CRTAC1: variants seen among roughly 807,000 people sequenced by gnomAD.
CRTAC1 encodes the protein cartilage acidic protein 1.
CRTAC1 carries 37 observed loss-of-function variants against 67.8 expected under a neutral mutation model. The observed-to-expected ratio is 0.55, with a 90% CI of 0.42 to 0.72. The LOEUF (loss-of-function observed/expected upper bound fraction) is 0.72, where lower values mean the gene tolerates loss of function less well. Ranked by LOEUF, CRTAC1 falls within the 30% of genes least tolerant of loss-of-function variation. The pLI is 0.00. For synonymous variants in CRTAC1, 348 were observed against 371.0 expected, an observed-to-expected ratio of 0.94 and a Z score of 0.71; for missense variants, 780 against 931.6, an observed-to-expected ratio of 0.84 and a Z score of 2.12.
chr10:97,978,073 A>C (rs1296774661), intron 2 of CRTAC1, among the ~76,000 whole-genome samples: 1 of 152,202 alleles, frequency 6.6e-6, no homozygotes, highest in African/African-American at 2.4e-5. Flanking sequence ...AATCACAGAA[A>C]TAATCACCAG....
chr10:97,942,498 A>G (rs948688014), intron 2 of CRTAC1, among the ~76,000 whole-genome samples: 3 of 152,196 alleles, frequency 2.0e-5, no homozygotes, highest in African/African-American at 7.2e-5. Context: ...AAAACAACAA[A>G]TGCTATAGTT....
intron 5 of CRTAC1, among the ~76,000 whole-genome samples, chr10:97,913,596 C>G (rs573017872): frequency 6.6e-6 from 1 of 152,142 alleles, no homozygotes; most frequent in African/African-American, 2.4e-5. Context: ...TTAAAAGAAA[C>G]GCAATGTTCC....
intron 5 of CRTAC1, among the ~76,000 whole-genome samples, chr10:97,914,899 A>G (rs1438408317): frequency 6.6e-6 from 1 of 152,010 alleles, no homozygotes; most frequent in Non-Finnish European, 1.5e-5. Flanking sequence ...GGGGCCCTCG[A>G]GTCCCCCGAG....
At chr10:97,880,927 G>A (rs186467990) in intron 13 of CRTAC1, among the ~76,000 whole-genome samples, 11 of 152,186 alleles carry the variant, frequency 7.2e-5, no homozygotes, top group Non-Finnish European at 1.3e-4. Flanking sequence ...CTTGCCCCCT[G>A]TGCAATTTCA....
intron 2 of CRTAC1, among the ~76,000 whole-genome samples, chr10:97,979,892 A>G (rs982395832): frequency 7.2e-5 from 11 of 152,214 alleles, no homozygotes; most frequent in African/African-American, 2.7e-4. Flanking sequence ...TGATAAAAAT[A>G]ACGAGGGGCA....
chr10:97,918,026 G>C (rs1225507601), intron 4 of CRTAC1, among the ~76,000 whole-genome samples: 1 of 151,992 alleles, frequency 6.6e-6, no homozygotes, highest in Non-Finnish European at 1.5e-5. Flanking sequence ...ATAAATATTT[G>C]CTGATTGATT....
At chr10:98,019,199 G>A (rs1361282133) in intron 1 of CRTAC1, among the ~76,000 whole-genome samples, 6 of 152,122 alleles carry the variant, frequency 3.9e-5, no homozygotes, top group Non-Finnish European at 7.4e-5. Flanking sequence ...ACAGAGAGCC[G>A]ACTTTGCAAA....
intron 14 of CRTAC1, chr10:97,878,627 T>A (rs1402427104): frequency 1.0e-5 from 13 of 1,303,856 alleles, no homozygotes; most frequent in Non-Finnish European, 1.3e-5. Context: ...CCAAAGAGTG[T>A]TCTGGCTACA....
chr10:98,006,905 A>G (rs902720767), intron 2 of CRTAC1, among the ~76,000 whole-genome samples: 6 of 152,360 alleles, frequency 3.9e-5, no homozygotes, highest in Middle Eastern at 3.4e-3. Flanking sequence ...CTCCTGCTAC[A>G]TGATTCTTAA....
rs180839683 is a variant in CRTAC1, at chr10:98,002,750, T to C, written c.224+8388A>G. 4.9e-4 allele frequency among the ~76,000 whole-genome samples: 69 copies of C among 140,844 alleles called. 1 individual carries two copies. Among genetic ancestry groups the C allele is most frequent in the African/African-American group, 1.7e-3 (66 of 39,336 alleles). 92.4% of individuals were successfully genotyped at this position (140,844 alleles called of 152,430 possible). ...ACAAAGTATGCTTTTAGGAATTCTT[T>C]ACAAAACTCACTTTTTTTTTTTTTT... On this transcript the variant is annotated intron_variant, in intron 2 of 14. Transcript: ENST00000370597.
intron 2 of CRTAC1, among the ~76,000 whole-genome samples, chr10:98,000,296 G>A (rs902550432): frequency 3.3e-5 from 5 of 152,156 alleles, no homozygotes; most frequent in Non-Finnish European, 7.4e-5. Flanking sequence ...GGATCTCCTC[G>A]AGCCACGGCT....
chr10:98,028,636 C>A (rs1843290553), intron 1 of CRTAC1, among the ~76,000 whole-genome samples: 1 of 152,182 alleles, frequency 6.6e-6, no homozygotes. Flanking sequence ...TTCAGAACAC[C>A]AGGTGCAGCC....
chr10:97,936,392 C>T, intron 2 of CRTAC1, 26 bp from the exon 3 acceptor site: 1 of 1,583,222 alleles, frequency 6.3e-7, no homozygotes. Context: ...GGAGGGGATG[C>T]TGGGGAGGAG....
chr10:97,954,035 A>G (rs2051401896), intron 2 of CRTAC1, among the ~76,000 whole-genome samples: 1 of 152,188 alleles, frequency 6.6e-6, no homozygotes, highest in African/African-American at 2.4e-5. Flanking sequence ...ACGTCTCTAC[A>G]GCTGGGCTGC....
At chr10:97,882,870 G>A in intron 12 of CRTAC1, 42 bp from the exon 13 acceptor site, 1 of 1,605,272 alleles carries the variant, frequency 6.2e-7, no homozygotes, top group Non-Finnish European at 8.5e-7. Context: ...GAGTTGAGAA[G>A]GTCCCATCCC....
intron 3 of CRTAC1, among the ~76,000 whole-genome samples, chr10:97,930,154 C>T (rs952678983): frequency 1.3e-5 from 2 of 152,208 alleles, no homozygotes; most frequent in Non-Finnish European, 2.9e-5. Context: ...AGGCTTAGGT[C>T]ATTTGCCTAA....
chr10:97,889,460 G>GGGGC lies in CRTAC1; in HGVS notation c.1487-5110_1487-5109insGCCC, dbSNP rs144281135. ...AGGGGCTGTGGAACTTGGTGGGGGG[G>GGGGC]GGTCCACTGAGCAAGGCAGGGTCCA... On this transcript the variant is annotated intron_variant, in intron 11 of 14. Transcript: ENST00000370597. Among the ~76,000 whole-genome samples the GGGGC allele has an allele frequency of 1.9e-3, 278 of 150,000 alleles. 2 individuals are homozygous for GGGGC. The highest frequency in any genetic ancestry group is 3.6e-3 in the Non-Finnish European group (239 of 67,216).
intron 14 of CRTAC1, chr10:97,878,383 A>G (rs1236702900): frequency 4.6e-6 from 1 of 217,784 alleles, no homozygotes; most frequent in East Asian, 1.3e-4. Context: ...AAACAGCACT[A>G]GCTACAAGGA....
At chr10:97,890,069 T>C (rs371612951) in intron 11 of CRTAC1, among the ~76,000 whole-genome samples, 3 of 149,464 alleles carry the variant, frequency 2.0e-5, no homozygotes, top group South Asian at 4.4e-4. Context: ...TGCACAGACT[T>C]GGTATGCTGT....
Sources: gnomAD v4.1 joint callset for allele counts (sites outside exome capture counted in the v4.1 genomes callset) on GRCh38, gnomAD v4.1.1 for gene constraint, MANE v1.5 for transcripts, NCBI Gene and HGNC (gene_info 2026-07-23, HGNC 2026-07-21) for gene names.